Variants in UGGT2 observed in about 807,000 individuals in gnomAD.
UGGT2 encodes the protein UDP-glucose:glycoprotein glucosyltransferase 2.
Under a neutral mutation model 192.1 loss-of-function variants are expected in UGGT2, and 180 were observed. The ratio of observed to expected loss-of-function variants is 0.94; its 90% CI spans 0.83 to 1.06. The LOEUF is 1.06. UGGT2 is among the 50% of genes least tolerant of loss of function. The probability of loss-of-function intolerance (pLI) is 0.00; values close to 1 mark genes in which losing one functional copy is unlikely to be tolerated. For synonymous variants in UGGT2, 580 were observed against 591.0 expected, an observed-to-expected ratio of 0.98 and a Z score of 0.27; for missense variants, 1,849 against 1,795.7, an observed-to-expected ratio of 1.03 and a Z score of -0.54.
intron 4 of UGGT2, among the ~76,000 whole-genome samples, chr13:96,021,233 A>C (rs909630580): frequency 1.3e-5 from 2 of 152,220 alleles, no homozygotes; most frequent in African/African-American, 4.8e-5. Context: ...GGTCAGACCA[A>C]GAAAGAACAT....
At chr13:95,979,127 T>C (rs761017772) in intron 10 of UGGT2, among the ~76,000 whole-genome samples, 2 of 152,176 alleles carry the variant, frequency 1.3e-5, no homozygotes, top group Non-Finnish European at 2.9e-5. Context: ...AAAAATGTCA[T>C]GGACTATAAC....
intron 16 of UGGT2, among the ~76,000 whole-genome samples, chr13:95,937,904 A>T (rs2049519914): frequency 6.6e-6 from 1 of 152,172 alleles, no homozygotes; most frequent in African/African-American, 2.4e-5. Flanking sequence ...TCTTATCTTA[A>T]ATTTTAGCTC....
At chr13:96,006,788 T>C (rs1206945862) in intron 5 of UGGT2, among the ~76,000 whole-genome samples, 1 of 152,078 alleles carries the variant, frequency 6.6e-6, no homozygotes, top group Non-Finnish European at 1.5e-5. Flanking sequence ...AGCTGTGGGA[T>C]AGTACCACAC....
intron 1 of UGGT2, among the ~76,000 whole-genome samples, chr13:96,035,082 T>C (rs1438956831): frequency 6.6e-6 from 1 of 151,938 alleles, no homozygotes; most frequent in Admixed American, 6.6e-5. Flanking sequence ...AATTAGAAAA[T>C]ATGAAAAAGA....
Position 95,972,507 on chromosome 13 carries a change from TTACAC to T in UGGT2, c.1184+68_1184+72del, listed in dbSNP as rs139718670. On this transcript the variant is annotated intron_variant, in intron 11 of 38. Transcript: ENST00000376747. ...TTTAAAGTGATCTTCATATTTTGAC[TTACAC>T]TAAATTCAAGACAATGTTTATTTTT... 5,792 of 1,280,934 alleles carry T rather than the reference TTACAC, an allele frequency of 4.5e-3. 200 individuals are homozygous for T. In the African/African-American group the frequency reaches 0.078, roughly 17 times the overall value. 79.3% of individuals were successfully genotyped at this position (1,280,934 alleles called of 1,614,324 possible). A position where few individuals can be genotyped will look rare whatever the true frequency, so the allele number is the denominator to read the frequency against.
At chr13:95,971,849 T>G (rs2050782429) in intron 11 of UGGT2, among the ~76,000 whole-genome samples, 1 of 152,168 alleles carries the variant, frequency 6.6e-6, no homozygotes, top group Non-Finnish European at 1.5e-5. Context: ...CAATATATTT[T>G]CCAACGTATT....
chr13:95,940,916 A>G (rs1007134763), intron 15 of UGGT2, among the ~76,000 whole-genome samples: 7 of 152,088 alleles, frequency 4.6e-5, no homozygotes, highest in Non-Finnish European at 8.8e-5. Context: ...TTTTGACTAA[A>G]CTTTCTCTGC....
At chr13:95,837,034 A>G in intron 37 of UGGT2, 52 bp downstream of exon 37, 1 of 1,334,856 alleles carries the variant, frequency 7.5e-7, no homozygotes, top group South Asian at 1.2e-5. Flanking sequence ...AAATATTTCT[A>G]TTTAAACATT....
intron 9 of UGGT2, among the ~76,000 whole-genome samples, chr13:95,985,700 T>C (rs1274165448): frequency 2.0e-5 from 3 of 152,166 alleles, no homozygotes; most frequent in Non-Finnish European, 4.4e-5. Context: ...AGAATACAAT[T>C]GCATCAAAGT....
intron 5 of UGGT2, among the ~76,000 whole-genome samples, chr13:96,005,163 G>A (rs746316358): frequency 1.3e-5 from 2 of 152,132 alleles, no homozygotes; most frequent in African/African-American, 4.8e-5. Flanking sequence ...TTTTGTATTA[G>A]AAAATTTTCT....
chr13:95,927,461 ATTTTCTTTCT>A, intron 17 of UGGT2, 125 bp from the exon 18 acceptor site: 5 of 776,346 alleles, frequency 6.4e-6, no homozygotes, highest in African/African-American at 3.8e-5. Flanking sequence ...ATTACAATAC[ATTTTCTTTCT>A]TTTTTTTTTT....
intron 20 of UGGT2, 63 bp from the exon 21 acceptor site, chr13:95,903,123 A>G: frequency 6.7e-7 from 1 of 1,491,840 alleles, no homozygotes; most frequent in Non-Finnish European, 9.0e-7. Context: ...AGGTGAATAT[A>G]TTTTCTTTCC....
intron 10 of UGGT2, among the ~76,000 whole-genome samples, chr13:95,979,548 C>CAAACAAAAAAAAAAAAA: frequency 1.0e-5 from 1 of 98,818 alleles, no homozygotes; most frequent in Non-Finnish European, 2.0e-5. Context: ...GTCTCTTACG[C>CAAACAAAAAAAAAAAAA]AAAAAAAAAA....
At chr13:95,863,743 T>G (rs769095625) in intron 30 of UGGT2, 29 bp from the exon 31 acceptor site, 2 of 1,561,084 alleles carry the variant, frequency 1.3e-6, no homozygotes, top group African/African-American at 1.4e-5. Flanking sequence ...AAGATTAGAA[T>G]TTGGCTGCTT....
At chr13:95,818,213 T>C (rs777526453) in intron 38 of UGGT2, among the ~76,000 whole-genome samples, 13 of 152,032 alleles carry the variant, frequency 8.6e-5, no homozygotes, top group Non-Finnish European at 1.2e-4. Context: ...CTCAGGAGGC[T>C]GAGGCTGGAA....
At chr13:95,948,736 A>G (rs954968933) in intron 13 of UGGT2, among the ~76,000 whole-genome samples, 2 of 152,250 alleles carry the variant, frequency 1.3e-5, no homozygotes, top group African/African-American at 4.8e-5. Context: ...ATGTAAAAGT[A>G]ACATTAATAT....
intron 36 of UGGT2, among the ~76,000 whole-genome samples, chr13:95,852,270 T>G (rs149630559): frequency 6.6e-6 from 1 of 152,336 alleles, no homozygotes; most frequent in Non-Finnish European, 1.5e-5. Context: ...ACTGACTTTC[T>G]TGCTATTCCT....
intron 10 of UGGT2, among the ~76,000 whole-genome samples, chr13:95,983,266 G>T (rs187432123): frequency 6.2e-4 from 95 of 152,264 alleles, no homozygotes; most frequent in Non-Finnish European, 1.1e-3. Context: ...TTAGGGCCCT[G>T]TGAGTCTGGT....
At chr13:95,849,183 A>G (rs995186851) in intron 36 of UGGT2, among the ~76,000 whole-genome samples, 1 of 152,178 alleles carries the variant, frequency 6.6e-6, no homozygotes, top group Non-Finnish European at 1.5e-5. Context: ...TAAAAAGAAA[A>G]TACAACCCTA....
Sources: allele counts gnomAD v4.1 joint callset (sites outside exome capture counted in the v4.1 genomes callset), GRCh38; gene constraint gnomAD v4.1.1; transcripts MANE v1.5; gene names NCBI Gene and HGNC (gene_info 2026-07-23, HGNC 2026-07-21).